Variants in GRAMD4 observed in about 807,000 individuals in gnomAD.
The protein encoded by GRAMD4 is GRAM domain-containing protein 4.
In GRAMD4, 25 loss-of-function variants were observed where a neutral mutation model predicts 83.9. The observed-to-expected ratio is 0.30, with a 90% confidence interval of 0.22 to 0.42. The LOEUF is 0.42. GRAMD4 is among the 10% of genes least tolerant of loss of function. The pLI is 1.00. For missense variants in GRAMD4, 593 were observed against 788.7 expected, an observed-to-expected ratio of 0.75 and a Z score of 2.97; for synonymous variants, 336 against 320.9, an observed-to-expected ratio of 1.05 and a Z score of -0.50.
intron 3 of GRAMD4, among the ~76,000 whole-genome samples, chr22:46,641,554 A>T (rs1198106119): frequency 1.3e-5 from 2 of 152,126 alleles, no homozygotes; most frequent in Non-Finnish European, 2.9e-5. Context: ...TCTGCGCGTC[A>T]CACTTTTTGT....
intron 13 of GRAMD4, among the ~76,000 whole-genome samples, chr22:46,670,419 C>T (rs574959782): frequency 1.8e-4 from 28 of 152,340 alleles, no homozygotes; most frequent in African/African-American, 6.7e-4. Context: ...GGCTAGCACC[C>T]AGGACTCTAG....
intron 1 of GRAMD4, among the ~76,000 whole-genome samples, chr22:46,613,608 C>G (rs914512438): frequency 2.7e-5 from 4 of 150,528 alleles, no homozygotes; most frequent in South Asian, 2.1e-4. Flanking sequence ...GGAAGGCCGT[C>G]TCGGACAGAG....
upstream of GRAMD4, among the ~76,000 whole-genome samples, chr22:46,617,434 G>A (rs1326854711): frequency 2.2e-5 from 3 of 137,852 alleles, no homozygotes; most frequent in Admixed American, 1.5e-4. Flanking sequence ...GTTCCCCTGG[G>A]TGTAGGTTCC....
downstream of GRAMD4, among the ~76,000 whole-genome samples, chr22:46,681,452 T>C (rs931973853): frequency 3.9e-5 from 6 of 152,270 alleles, no homozygotes; most frequent in African/African-American, 1.4e-4. Flanking sequence ...TTGGCAATCG[T>C]GCATGTTTTA....
intron 1 of GRAMD4, among the ~76,000 whole-genome samples, chr22:46,584,606 C>T (rs1267919373): frequency 3.9e-5 from 6 of 152,092 alleles, no homozygotes; most frequent in Non-Finnish European, 8.8e-5. Flanking sequence ...TTAGTGGGAC[C>T]CCCCGGGAAG....
rs2082531971 is a variant in GRAMD4 at position 46,672,881 on chromosome 22, A to G, written c.1123A>G (p.Ile375Val). Residue 375 changes from isoleucine to valine, a missense_variant, in exon 14 of 19, where the codon ATC (isoleucine) becomes GTC (valine). By Grantham distance (29) the Ile-to-Val change is conservative. Around this residue, in one of 4 missense-constraint regions of GRAMD4, gnomAD observed 171 missense variants for 199.6 expected, o/e 0.86. Coordinates refer to ENST00000406902, the MANE Select transcript of GRAMD4 (RefSeq NM_015124.5). This position sits in a 1 kb window ranked among gnomAD's most constrained non-coding sequence, Gnocchi z 4.7. ...TATCAAGTTCTTCCTCATTGATTTC[A>G]TCTTTAAACGCTGCCCGAGGCTGCG... ...AGIKFFLIDF[I>V]FKRCPRLRAK... 1 of 1,612,866 alleles carries G rather than the reference A, an allele frequency of 6.2e-7. No homozygotes were observed. The highest frequency in any genetic ancestry group is 2.2e-5 in the East Asian group (1 of 44,860).
intron 1 of GRAMD4, among the ~76,000 whole-genome samples, chr22:46,615,267 CT>C (rs1490670427): frequency 3.8e-4 from 4 of 10,396 alleles, no homozygotes; most frequent in Non-Finnish European, 8.3e-4. Flanking sequence ...GTAGGTTCCC[CT>C]GTGCGTGTGG....
intron 1 of GRAMD4, among the ~76,000 whole-genome samples, chr22:46,623,906 C>T (rs2081615175): frequency 6.6e-6 from 1 of 151,620 alleles, no homozygotes; most frequent in Non-Finnish European, 1.5e-5. Context: ...CTCACTCTTC[C>T]AAGTAGCTGG....
rs569545888 is a variant in GRAMD4 at position 46,603,201 on chromosome 22, G to GTTT, written c.-49-23528_-49-23526dup. ...TTTTTAACATAACGTATCTTCTCTT[G>GTTT]TTTTTTTTTTTTTTTTTTTTTTTTG... On this transcript the variant is annotated intron_variant, in intron 1 of 1. Coordinates refer to the GRAMD4 transcript ENST00000431155. Among the ~76,000 whole-genome samples the GTTT allele has an allele frequency of 4.3e-3, 383 of 89,426 alleles. 13 individuals are homozygous for GTTT. The highest frequency in any genetic ancestry group is 0.012 in the African/African-American group (250 of 21,288). The allele number at this position is 89,426 out of a possible 152,430, so 58.7% of individuals were successfully genotyped here. A position where few individuals can be genotyped will look rare whatever the true frequency, so the allele number is the denominator to read the frequency against.
At position 46,678,404 on chromosome 22, in the gene GRAMD4, C is replaced by A; in HGVS notation, c.*1153C>A. 1 of 984,706 alleles carries A rather than the reference C, an allele frequency of 1.0e-6. No homozygotes were observed. The highest frequency in any genetic ancestry group is 1.2e-6 in the Non-Finnish European group (1 of 829,260). 61.0% of individuals were successfully genotyped at this position (984,706 alleles called of 1,614,324 possible). ...GGTCCGGGCACAGACCCCCCCAGCC[C>A]CCGCCCTGCCCCAGGGAAGCCTGGG... On this transcript the variant is annotated 3_prime_UTR_variant, in exon 19 of 19. Transcript: ENST00000406902.
At chr22:46,590,851 G>A (rs5768999) in intron 1 of GRAMD4, among the ~76,000 whole-genome samples, 74,647 of 151,972 alleles carry the variant, frequency 0.49, 20,383 homozygotes, top group African/African-American at 0.75. Flanking sequence ...GTCTGTGGTC[G>A]GGAGTCTGAG....
chr22:46,657,853 G>T (rs146263202), intron 3 of GRAMD4, among the ~76,000 whole-genome samples: 8 of 152,210 alleles, frequency 5.3e-5, no homozygotes, highest in Non-Finnish European at 7.3e-5. Flanking sequence ...TGTCCTCAGC[G>T]TGGCGGTGCT....
In GRAMD4 at chr22:46,626,219, A is replaced by G. The variant is rs111694730; in HGVS notation, c.-49-532A>G. Among the ~76,000 whole-genome samples, 365 of 152,340 alleles carry G rather than the reference A, an allele frequency of 2.4e-3. 2 individuals are homozygous for G. Among genetic ancestry groups the G allele is most frequent in the African/African-American group, 8.3e-3 (345 of 41,574 alleles). ...GAATCAACCGAGGCATCCCTAGCAC[A>G]CGCATCTGCTGGTTTCCAGGCGTGG... is the stretch of plus-strand genomic sequence containing the variant. On this transcript the variant is annotated intron_variant, in intron 1 of 18. Transcript: ENST00000406902.
intron 1 of GRAMD4, among the ~76,000 whole-genome samples, chr22:46,594,265 A>G (rs1405253722): frequency 7.0e-6 from 1 of 143,854 alleles, no homozygotes; most frequent in Non-Finnish European, 1.5e-5. Flanking sequence ...CCACACTGTC[A>G]CCTGCTGTAG....
At position 46,679,683 on chromosome 22, in the gene GRAMD4, A is replaced by T. The variant is rs1212176450; in HGVS notation, c.*2432A>T. ...ACTGTATTAAGAACCGATGAAAAAA[A>T]TTCTCCTGTAACATTTTTTTAAGAA... On this transcript the variant is annotated 3_prime_UTR_variant, in exon 19 of 19. Transcript: ENST00000406902. The T allele has an allele frequency of 1.0e-6, 1 of 980,600 alleles. No individual in the cohort carries two copies. Among genetic ancestry groups the T allele is most frequent in the Non-Finnish European group, 1.2e-6 (1 of 825,402 alleles). The allele number at this position is 980,600 out of a possible 1,614,324, so 60.7% of individuals were successfully genotyped here. A position where few individuals can be genotyped will look rare whatever the true frequency, so the allele number is the denominator to read the frequency against.
At chr22:46,668,960 C>CCCT in intron 13 of GRAMD4, 52 bp downstream of exon 13, 1 of 988,152 alleles carries the variant, frequency 1.0e-6, no homozygotes, top group Non-Finnish European at 1.6e-6. Flanking sequence ...ACACAGGTGT[C>CCCT]CGCATGCCAC....
Position 46,606,767 on chromosome 22 carries a change from G to A in GRAMD4, c.-49-19984G>A, listed in dbSNP as rs113647363. ...GCATCTCTGCGTGGACTTATTGGCC[G>A]ATTGGACGGGCACTCGGGTTATTTC... On this transcript the variant is annotated intron_variant, in intron 1 of 1. Transcript: ENST00000431155. Among the ~76,000 whole-genome samples, 657 of 152,392 alleles carry A rather than the reference G, an allele frequency of 4.3e-3. 3 individuals carry two copies. Among genetic ancestry groups the A allele is most frequent in the African/African-American group, 0.015 (627 of 41,598 alleles).
At chr22:46,616,300 C>G (rs796682999), upstream of GRAMD4, among the ~76,000 whole-genome samples, 1 of 13,586 alleles carries the variant, frequency 7.4e-5, no homozygotes, top group African/African-American at 2.5e-4. Context: ...GTGTGTGTGG[C>G]TTCCCCTGTG....
chr22:46,649,356 C>T (rs1240395195), intron 3 of GRAMD4, among the ~76,000 whole-genome samples: 1 of 152,164 alleles, frequency 6.6e-6, no homozygotes, highest in East Asian at 1.9e-4. Context: ...ATGGCACGTG[C>T]TGTCGAGCAC....
Sources: allele counts gnomAD v4.1 joint callset (sites outside exome capture counted in the v4.1 genomes callset), GRCh38; gene constraint gnomAD v4.1.1; regional missense constraint gnomAD v4.1.1; non-coding constraint Gnocchi (gnomAD v3.1); transcripts MANE v1.5; gene names NCBI Gene and HGNC (gene_info 2026-07-23, HGNC 2026-07-21).